The following EXPH5 variants were observed in gnomAD, a reference collection of about 807,000 sequenced individuals.
EXPH5 encodes the protein exophilin-5.
EXPH5 carries 42 observed loss-of-function variants against 41.1 expected under a neutral mutation model. The ratio of observed to expected loss-of-function variants is 1.02; its 90% CI spans 0.80 to 1.32. The LOEUF is 1.32. Among genes scored for constraint, EXPH5 ranks in the 40% most tolerant of loss-of-function variants. EXPH5 has a pLI of 0.00. For synonymous variants in EXPH5, 798 were observed against 833.5 expected, an observed-to-expected ratio of 0.96 and a Z score of 0.73; for missense variants, 2,298 against 2,314.5, an observed-to-expected ratio of 0.99 and a Z score of 0.15.
intron 2 of EXPH5, among the ~76,000 whole-genome samples, chr11:108,541,116 G>C (rs186880801): frequency 1.3e-5 from 2 of 152,062 alleles, no homozygotes; most frequent in Non-Finnish European, 2.9e-5. Context: ...TGTTGCCCAG[G>C]CTCGTCTCAA....
intron 1 of EXPH5, among the ~76,000 whole-genome samples, chr11:108,579,595 G>A (rs879452248): frequency 3.9e-5 from 6 of 151,954 alleles, no homozygotes; most frequent in Non-Finnish European, 8.8e-5. Context: ...TAGAGTAAGT[G>A]CTTTCACCCT....
intron 1 of EXPH5, among the ~76,000 whole-genome samples, chr11:108,551,291 G>T (rs1037853166): frequency 6.6e-6 from 1 of 152,190 alleles, no homozygotes. Context: ...AACTTACAGT[G>T]ACTTTTGCCA....
At chr11:108,598,493 A>G (rs2094141744), upstream of EXPH5, among the ~76,000 whole-genome samples, 1 of 150,812 alleles carries the variant, frequency 6.6e-6, no homozygotes, top group Non-Finnish European at 1.5e-5. Context: ...GTAAATAAAT[A>G]AAAAGATTTA....
At chr11:108,602,135 C>G in the EXPH5 span, among the ~76,000 whole-genome samples, 4 of 152,284 alleles carry the variant, frequency 2.6e-5, no homozygotes, top group East Asian at 7.7e-4. Flanking sequence ...ATGTGCTTCC[C>G]CTCATAGCTT....
intron 1 of EXPH5, among the ~76,000 whole-genome samples, chr11:108,561,667 T>A (rs1460661242): frequency 6.6e-6 from 1 of 152,200 alleles, no homozygotes; most frequent in Non-Finnish European, 1.5e-5. Context: ...TTCTATTTGT[T>A]CTATTTTGGA....
Position 108,511,343 on chromosome 11 carries a change from C to A in EXPH5, c.4164G>T (p.Lys1388Asn). 2.5e-6 allele frequency: 4 copies of A among 1,578,748 alleles called. No homozygotes were observed. In the South Asian group the frequency reaches 3.6e-5, roughly 14 times the overall value. Residue 1388 changes from lysine (K) to asparagine (N), a missense_variant, in exon 6 of 6, where the codon AAG becomes AAT. Physicochemically the swap from Lys to Asn is moderately conservative, Grantham distance 94. Coordinates refer to ENST00000265843, the MANE Select transcript of EXPH5 (RefSeq NM_015065.3). Reference sequence around the variant, plus strand: ...AAGTATGCAGGGTTTCACTTTGCAACTTTTTGCCTCTTTCCTTCTTGTTTT... The same window carrying A: ...AAGTATGCAGGGTTTCACTTTGCAAATTTTTGCCTCTTTCCTTCTTGTTTT... ...DSENKKERGK[K>N]LQSETLHTSL...
At chr11:108,541,934 G>T in intron 1 of EXPH5, 122 bp from the exon 2 acceptor site, 1 of 735,508 alleles carries the variant, frequency 1.4e-6, no homozygotes, top group Non-Finnish European at 2.1e-6. Context: ...CTGGAGTGCA[G>T]TGGCACAACC....
chr11:108,570,990 C>T (rs992018022), intron 1 of EXPH5, among the ~76,000 whole-genome samples: 2 of 152,178 alleles, frequency 1.3e-5, no homozygotes, highest in Admixed American at 1.3e-4. Context: ...TGACTGTGAA[C>T]TCTCCTTAAG....
At chr11:108,558,179 G>A (rs1391378675) in intron 1 of EXPH5, among the ~76,000 whole-genome samples, 3 of 152,144 alleles carry the variant, frequency 2.0e-5, no homozygotes, top group East Asian at 1.9e-4. Flanking sequence ...CTGACCTCAA[G>A]TGATCCCCTT....
At chr11:108,517,397 C>T (rs1305348774) in intron 5 of EXPH5, among the ~76,000 whole-genome samples, 2 of 152,222 alleles carry the variant, frequency 1.3e-5, no homozygotes, top group Non-Finnish European at 2.9e-5. Context: ...GTTGACTGTC[C>T]AGCTGACTGT....
chr11:108,573,845 G>C (rs868719672), intron 1 of EXPH5, among the ~76,000 whole-genome samples: 1 of 152,130 alleles, frequency 6.6e-6, no homozygotes, highest in South Asian at 2.1e-4. Context: ...AGGGGTTTGA[G>C]ACCAATGTAG....
chr11:108,528,346 T>C (rs1364425702), intron 3 of EXPH5, among the ~76,000 whole-genome samples, 162 bp from the exon 4 acceptor site: 5 of 152,208 alleles, frequency 3.3e-5, no homozygotes, highest in Non-Finnish European at 7.4e-5. Context: ...TTGAAAAAAA[T>C]TAGAAACTGT....
In EXPH5 at chr11:108,509,833, C is replaced by T. The variant is rs1354930025; in HGVS notation, c.5674G>A (p.Glu1892Lys). 6.2e-7 allele frequency: 1 copy of T among 1,613,634 alleles called. No homozygotes were observed. The highest frequency in any genetic ancestry group is 8.5e-7 in the Non-Finnish European group (1 of 1,179,882). The part of the protein sequence containing the change: ...RPIDYGIFGK[E>K]QQLAFLENVK... The stretch of plus-strand genomic sequence containing the variant: ...TTTTCTAAGAAAGCTAACTGTTGTT[C>T]TTTCCCAAAGATCCCATAGTCGATA... Residue 1892 changes from glutamate to lysine, a missense_variant, in exon 6 of 6, where the codon GAA (glutamate) becomes AAA (lysine). Transcript: ENST00000265843.
chr11:108,547,503 C>T lies in EXPH5; in HGVS notation c.120-5691G>A, dbSNP rs11212702. On this transcript the variant is annotated intron_variant, in intron 1 of 5. Coordinates refer to ENST00000265843, the MANE Select transcript of EXPH5 (RefSeq NM_015065.3). ...GTGCTGGGATTACAGGCATGAACCACGGAGCACAGCCCTTTTTGTCATTCT... is the reference window on the plus strand; with the variant it reads ...GTGCTGGGATTACAGGCATGAACCATGGAGCACAGCCCTTTTTGTCATTCT... Among the ~76,000 whole-genome samples, 1,073 of 152,294 alleles carry T rather than the reference C, an allele frequency of 7.0e-3. 12 individuals carry two copies. Among genetic ancestry groups the T allele is most frequent in the African/African-American group, 0.024 (994 of 41,564 alleles).
chr11:108,561,249 T>C (rs2094010472), intron 1 of EXPH5, among the ~76,000 whole-genome samples: 2 of 152,248 alleles, frequency 1.3e-5, no homozygotes, highest in Admixed American at 1.3e-4. Flanking sequence ...TATTATTTAT[T>C]AATAATGATC....
At chr11:108,592,078 T>C (rs1275558228) in intron 1 of EXPH5, among the ~76,000 whole-genome samples, 1 of 152,172 alleles carries the variant, frequency 6.6e-6, no homozygotes, top group African/African-American at 2.4e-5. Context: ...CCTTGTGCGG[T>C]GCATGTGCAT....
intron 4 of EXPH5, among the ~76,000 whole-genome samples, chr11:108,521,741 TTA>T (rs1202894800): frequency 2.3e-4 from 35 of 152,314 alleles, no homozygotes; most frequent in African/African-American, 7.9e-4. Context: ...GTTACAGATC[TTA>T]TAAGTCCTTT....
chr11:108,566,914 A>T (rs1204858733), intron 1 of EXPH5, among the ~76,000 whole-genome samples: 3 of 152,044 alleles, frequency 2.0e-5, no homozygotes, highest in Non-Finnish European at 4.4e-5. Flanking sequence ...CTGCGTTGTC[A>T]CTCCCTGACA....
intron 1 of EXPH5, among the ~76,000 whole-genome samples, chr11:108,563,204 A>G (rs1033411634): frequency 6.6e-6 from 1 of 152,150 alleles, no homozygotes. Context: ...GGAAAGGTAG[A>G]CTGGTATCTG....
Sources: gnomAD v4.1 joint callset for allele counts (sites outside exome capture counted in the v4.1 genomes callset) on GRCh38, gnomAD v4.1.1 for gene constraint, MANE v1.5 for transcripts, NCBI Gene and HGNC (gene_info 2026-07-23, HGNC 2026-07-21) for gene names.